The following RCVRN variants were observed in gnomAD, a reference collection of about 807,000 sequenced individuals.
The protein encoded by RCVRN is cancer associated retinopathy antigen.
RCVRN carries 23 observed loss-of-function variants against 20.4 expected under a neutral mutation model. The observed-to-expected ratio is 1.13, with a 90% confidence interval of 0.81 to 1.60. The LOEUF is 1.60. RCVRN is among the 40% of genes most tolerant of loss of function. RCVRN has a pLI of 0.00. For missense variants in RCVRN, 254 were observed against 254.2 expected (o/e 1.00, Z 0.00); for synonymous variants, 105 against 105.9 (o/e 0.99, Z 0.05).
Position 9,904,970 on chromosome 17 carries a change from G to C in RCVRN, c.211C>G (p.Arg71Gly). Residue 71 changes from arginine to glycine, a missense_variant, in exon 1 of 3, where the codon CGC becomes GGC. Transcript: ENST00000226193. The surrounding 1 kb of genome is among the most constrained non-coding windows in gnomAD (Gnocchi z 5.8). ...CCGTCGAGGTTGGAATCGAAGCTGC[G>C]GAACACATGCTGGGCGTAGGCCTTG... ...DPKAYAQHVF[R>G]SFDSNLDGTL... 6.2e-7 allele frequency: 1 copy of C among 1,614,208 alleles called. No homozygotes were observed. Among genetic ancestry groups the C allele is most frequent in the Non-Finnish European group, 8.5e-7 (1 of 1,180,050 alleles).
Position 9,905,080 on chromosome 17 carries a change from G to A in RCVRN, c.101C>T (p.Ser34Phe). ...SEEELCSWYQ[S>F]FLKDCPTGRI... ...GCCGGTGGGACAGTCCTTCAGGAAG[G>A]ACTGGTACCAGGAGCACAGCTCCTC... Residue 34 changes from serine (S) to phenylalanine (F), a missense_variant, in exon 1 of 3, where the codon TCC becomes TTC. Physicochemically the swap from Ser to Phe is radical, Grantham distance 155 (BLOSUM62 -2). Coordinates refer to ENST00000226193, the MANE Select transcript of RCVRN (RefSeq NM_002903.3). The A allele has an allele frequency of 2.5e-6, 4 of 1,611,122 alleles. No homozygotes were observed. The highest frequency in any genetic ancestry group is 1.1e-5 in the South Asian group (1 of 90,620).
chr17:9,897,765 T>C lies in RCVRN; in HGVS notation c.*330A>G, dbSNP rs1240431505. 8.7e-6 allele frequency: 2 copies of C among 230,030 alleles called. No individual in the cohort carries two copies. The highest frequency in any genetic ancestry group is 4.5e-5 in the African/African-American group (2 of 44,250). 14.2% of individuals were successfully genotyped at this position (230,030 alleles called of 1,614,324 possible). On this transcript the variant is annotated 3_prime_UTR_variant, in exon 3 of 3. Coordinates refer to ENST00000226193, the MANE Select transcript of RCVRN (RefSeq NM_002903.3). ...CTTACCCAGCACTCCACAAAGGAGC[T>C]TACAGCGGGGTGACACTTAGGACTC...
Position 9,904,740 on chromosome 17 carries a change from GACCCCCAGCCCGGAGCGA to G in RCVRN, c.381+42_381+59del. The stretch of plus-strand genomic sequence containing the variant: ...TCCCTCTGCAGCAGCTGCAGCAGGG[GACCCCCAGCCCGGAGCGA>G]CCCCGGCACCGCCCAGCCAGAAGGG... On this transcript the variant is annotated intron_variant, in intron 1 of 2. Coordinates refer to ENST00000226193, the MANE Select transcript of RCVRN (RefSeq NM_002903.3). This position sits in a 1 kb window ranked among gnomAD's most constrained non-coding sequence, Gnocchi z 5.8. 6 of 1,559,052 alleles carry G rather than the reference GACCCCCAGCCCGGAGCGA, an allele frequency of 3.8e-6. No individual in the cohort carries two copies. In the South Asian group the frequency reaches 7.3e-5, roughly 19 times the overall value.
chr17:9,899,679 G>C lies in RCVRN; in HGVS notation c.493+1310C>G, dbSNP rs1332119225. Among the ~76,000 whole-genome samples the C allele has an allele frequency of 1.3e-5, 2 of 152,198 alleles. No individual in the cohort carries two copies. The highest frequency in any genetic ancestry group is 4.8e-5 in the African/African-American group (2 of 41,452). On this transcript the variant is annotated intron_variant, in intron 2 of 2. Transcript: ENST00000226193. This position sits in a 1 kb window ranked among gnomAD's most constrained non-coding sequence, Gnocchi z 4.6. The stretch of plus-strand genomic sequence containing the variant: ...GAGGGGCCAATCCGGGCCGATGAGG[G>C]AAAGGTGGGTAAAGTACCAAGGCGC...
rs768115965 is a variant in RCVRN at position 9,904,995 on chromosome 17, G to A, written c.186C>T (p.Pro62=). The A allele has an allele frequency of 3.7e-6, 6 of 1,614,084 alleles. No individual in the cohort carries two copies. The East Asian group carries it at 8.9e-5, about 24-fold the overall frequency. ...IYAKFFPDTD[P]KAYAQHVFRS... is the part of the protein sequence containing the mutation. ...GGAACACATGCTGGGCGTAGGCCTT[G>A]GGGTCGGTGTCGGGGAAGAACTTGG... The change falls in exon 1 of 3, where the codon CCC becomes CCT. Residue 62 remains proline (P), a synonymous_variant. Transcript: ENST00000226193. The surrounding 1 kb of genome is among the most constrained non-coding windows in gnomAD (Gnocchi z 5.8).
In RCVRN at chr17:9,896,637, G is replaced by C. The variant is rs2067318174; in HGVS notation, c.*1458C>G. The stretch of plus-strand genomic sequence containing the variant: ...CAGGCCCTGGAGCTTTGAGGAGGCA[G>C]TTGGGGGCCGGTGGGTAGCCCTTGC... On this transcript the variant is annotated 3_prime_UTR_variant, in exon 3 of 3. Coordinates refer to ENST00000226193, the MANE Select transcript of RCVRN (RefSeq NM_002903.3). 1 of 152,302 alleles carries C rather than the reference G, an allele frequency of 6.6e-6. No individual in the cohort carries two copies. The highest frequency in any genetic ancestry group is 6.5e-5 in the Admixed American group (1 of 15,286). The allele number at this position is 152,302 out of a possible 1,614,324, so 9.4% of individuals were successfully genotyped here. A position where few individuals can be genotyped will look rare whatever the true frequency, so the allele number is the denominator to read the frequency against.
At chr17:9,901,209 A>G (rs2067340302) in intron 1 of RCVRN, 109 bp from the exon 2 acceptor site, 5 of 541,336 alleles carry the variant, frequency 9.2e-6, no homozygotes, top group Admixed American at 3.3e-5. Context: ...AAATGGATTA[A>G]AGACTTAAAC....
chr17:9,902,281 G>T (rs182466877), intron 1 of RCVRN, among the ~76,000 whole-genome samples: 3 of 152,276 alleles, frequency 2.0e-5, no homozygotes, highest in Non-Finnish European at 1.5e-5. Flanking sequence ...TTCTCTGCAG[G>T]CTGTGCCAAG....
chr17:9,898,988 C>T (rs1345613967), intron 2 of RCVRN, among the ~76,000 whole-genome samples: 3 of 152,154 alleles, frequency 2.0e-5, no homozygotes, highest in Non-Finnish European at 4.4e-5. Context: ...AGCCCAGATG[C>T]CACTGTGCTT....
Position 9,905,001 on chromosome 17 carries a change from G to C in RCVRN, c.180C>G (p.Thr60=). The C allele has an allele frequency of 6.2e-7, 1 of 1,614,166 alleles. No homozygotes were observed. The highest frequency in any genetic ancestry group is 1.1e-5 in the South Asian group (1 of 91,078). ...QSIYAKFFPD[T]DPKAYAQHVF... ...CATGCTGGGCGTAGGCCTTGGGGTC[G>C]GTGTCGGGGAAGAACTTGGCGTAGA... Residue 60 remains threonine, a synonymous_variant, in exon 1 of 3, where the codon ACC becomes ACG. Transcript: ENST00000226193.
At position 9,900,975 on chromosome 17, in the gene RCVRN, G is replaced by A; in HGVS notation, c.493+14C>T. 3 of 1,494,348 alleles carry A rather than the reference G, an allele frequency of 2.0e-6. No homozygotes were observed. The highest frequency in any genetic ancestry group is 2.8e-6 in the Non-Finnish European group (3 of 1,079,834). 92.6% of individuals were successfully genotyped at this position (1,494,348 alleles called of 1,614,324 possible). A position where few individuals can be genotyped will look rare whatever the true frequency, so the allele number is the denominator to read the frequency against. ...GGTTGAAAAATCAAAGGCAATGAAG[G>A]AAAAGGAATTCACCATCATCATTCT... On this transcript the variant is annotated intron_variant, in intron 2 of 2. Coordinates refer to ENST00000226193, the MANE Select transcript of RCVRN (RefSeq NM_002903.3).
chr17:9,898,229 CG>C, intron 2 of RCVRN, 25 bp from the exon 3 acceptor site: 1 of 1,434,416 alleles, frequency 7.0e-7, no homozygotes, highest in Non-Finnish European at 9.8e-7. Context: ...AAAATATATA[CG>C]TACATAAAAC....
rs2067318709 is a variant in RCVRN, at chr17:9,896,788, A to T, written c.*1307T>A. On this transcript the variant is annotated 3_prime_UTR_variant, in exon 3 of 3. Transcript: ENST00000226193. Reference sequence around the variant, plus strand: ...TGGCTCTGCCTTCACCTCATACTATATTGAAGCTGAATTCATCATTGTTCC... The same window carrying T: ...TGGCTCTGCCTTCACCTCATACTATTTTGAAGCTGAATTCATCATTGTTCC... The T allele has an allele frequency of 6.6e-6, 1 of 152,210 alleles. No homozygotes were observed. The highest frequency in any genetic ancestry group is 1.5e-5 in the Non-Finnish European group (1 of 68,072). 9.4% of individuals were successfully genotyped at this position (152,210 alleles called of 1,614,324 possible).
chr17:9,898,225 T>A (rs766517273), intron 2 of RCVRN, 21 bp from the exon 3 acceptor site: 6 of 1,444,010 alleles, frequency 4.2e-6, no homozygotes, highest in Non-Finnish European at 5.9e-6. Context: ...GGAAAAAATA[T>A]ATACGTACAT....
At chr17:9,903,536 A>G (rs1438433967) in intron 1 of RCVRN, among the ~76,000 whole-genome samples, 1 of 152,244 alleles carries the variant, frequency 6.6e-6, no homozygotes, top group Non-Finnish European at 1.5e-5. Context: ...ACCTCTTTCT[A>G]CTTTATATTA....
Position 9,904,993 on chromosome 17 carries a change from T to C in RCVRN, c.188A>G (p.Lys63Arg). Residue 63 changes from lysine to arginine, a missense_variant, in exon 1 of 3, where the codon AAG becomes AGG. Physicochemically the swap from Lys to Arg is conservative, Grantham distance 26. Transcript: ENST00000226193. The surrounding 1 kb of genome is among the most constrained non-coding windows in gnomAD (Gnocchi z 5.8). ...YAKFFPDTDP[K>R]AYAQHVFRSF... ...GCGGAACACATGCTGGGCGTAGGCCTTGGGGTCGGTGTCGGGGAAGAACTT... is the reference window on the plus strand; with the variant it reads ...GCGGAACACATGCTGGGCGTAGGCCCTGGGGTCGGTGTCGGGGAAGAACTT... 6.2e-7 allele frequency: 1 copy of C among 1,614,134 alleles called. No homozygotes were observed. The highest frequency in any genetic ancestry group is 8.5e-7 in the Non-Finnish European group (1 of 1,180,014).
In RCVRN at chr17:9,900,987, A is replaced by G. The variant is rs776121989; in HGVS notation, c.493+2T>C. ...AAAGGCAATGAAGGAAAAGGAATTC[A>G]CCATCATCATTCTTTCCAAAGTACT... On this transcript the variant is annotated splice_donor_variant, in intron 2 of 2. Coordinates refer to ENST00000226193, the MANE Select transcript of RCVRN (RefSeq NM_002903.3). LOFTEE classifies it high-confidence loss of function. 3 of 1,561,172 alleles carry G rather than the reference A, an allele frequency of 1.9e-6. No individual in the cohort carries two copies. Among genetic ancestry groups the G allele is most frequent in the Non-Finnish European group, 2.6e-6 (3 of 1,137,436 alleles).
At position 9,901,042 on chromosome 17, in the gene RCVRN, G is replaced by T. The variant is rs761293815; in HGVS notation, c.440C>A (p.Thr147Lys). 6.2e-7 allele frequency: 1 copy of T among 1,609,934 alleles called. No individual in the cohort carries two copies. Among genetic ancestry groups the T allele is most frequent in the Non-Finnish European group, 8.5e-7 (1 of 1,176,852 alleles). The change falls in exon 2 of 3, where the codon ACG becomes AAG. Residue 147 changes from threonine to lysine, a missense_variant. Thr to Lys is a moderately conservative substitution (Grantham distance 78). Coordinates refer to ENST00000226193, the MANE Select transcript of RCVRN (RefSeq NM_002903.3). The stretch of plus-strand genomic sequence containing the variant: ...GATCTTCTCGGCTCGCTTTTCCGGC[G>T]TGTTTTCATCGTCTGGAAGGAGCTT... ...DVKLLPDDENTPEKRAEKIWK... is the reference protein window; with the variant it reads ...DVKLLPDDENKPEKRAEKIWK...
chr17:9,899,799 T>A lies in RCVRN; in HGVS notation c.493+1190A>T, dbSNP rs1003183970. Among the ~76,000 whole-genome samples, 6 of 152,210 alleles carry A rather than the reference T, an allele frequency of 3.9e-5. No individual in the cohort carries two copies. Among genetic ancestry groups the A allele is most frequent in the African/African-American group, 1.4e-4 (6 of 41,456 alleles). On this transcript the variant is annotated intron_variant, in intron 2 of 2. Coordinates refer to ENST00000226193, the MANE Select transcript of RCVRN (RefSeq NM_002903.3). This position sits in a 1 kb window ranked among gnomAD's most constrained non-coding sequence, Gnocchi z 4.6. ...TAAATTCTGTGTCCTATGTTCCTCC[T>A]ACCCCAATGACCTTCATGCTTCTCT...
Sources: allele counts gnomAD v4.1 joint callset (sites outside exome capture counted in the v4.1 genomes callset), GRCh38; gene constraint gnomAD v4.1.1; non-coding constraint Gnocchi (gnomAD v3.1); transcripts MANE v1.5; gene names NCBI Gene and HGNC (gene_info 2026-07-23, HGNC 2026-07-21).